NIPBL: variants seen among roughly 807,000 people sequenced by gnomAD.
The protein encoded by NIPBL is NIPBL cohesin loading factor, also known as nipped-B-like protein.
Under a neutral mutation model 321.8 loss-of-function variants are expected in NIPBL, and 19 were observed. The ratio of observed to expected loss-of-function variants is 0.06; its 90% CI spans 0.04 to 0.09. NIPBL has a LOEUF of 0.09. Ranked by LOEUF, NIPBL falls within the 10% of genes least tolerant of loss-of-function variation. NIPBL has a pLI of 1.00. For synonymous variants in NIPBL, 1,106 were observed against 1,114.1 expected (o/e 0.99, Z 0.14); for missense variants, 2,210 against 3,327.0 (o/e 0.66, Z 8.26).
intron 1 of NIPBL, among the ~76,000 whole-genome samples, chr5:36,880,316 C>T (rs1745407151): frequency 1.3e-5 from 2 of 151,874 alleles, no homozygotes; most frequent in South Asian, 4.1e-4. Context: ...TTTTTACTTT[C>T]TCAAAATAAG....
rs587784018 is a variant in NIPBL, at chr5:37,048,525, A to G, written c.6613A>G (p.Ser2205Gly). ...GLGFAFIQHP[S>G]LMFEQEVKNL... ...AGGATTTGCCTTTATTCAGCATCCA[A>G]GTCTAATGTTCGAGCAAGAAGTGAA... The change falls in exon 39 of 47, where the codon AGT (serine) becomes GGT (glycine). Residue 2205 changes from serine (S) to glycine (G), a missense_variant. By Grantham distance (56) the Ser-to-Gly change is moderately conservative. Around this residue, in one of 14 missense-constraint regions of NIPBL, gnomAD observed 40 missense variants for 55.3 expected, o/e 0.72. Transcript: ENST00000282516. The G allele has an allele frequency of 1.6e-5, 26 of 1,583,802 alleles. No individual in the cohort carries two copies. In the Admixed American group the frequency reaches 4.3e-4, roughly 26 times the overall value.
chr5:37,033,399 AT>A, intron 32 of NIPBL, among the ~76,000 whole-genome samples: 1 of 152,178 alleles, frequency 6.6e-6, no homozygotes, highest in Middle Eastern at 3.4e-3. Context: ...TAATAAGTAG[AT>A]TAGTACGAAA....
chr5:36,947,866 C>A (rs1040108429), intron 1 of NIPBL, among the ~76,000 whole-genome samples: 4 of 151,728 alleles, frequency 2.6e-5, no homozygotes. Flanking sequence ...TTTTTTCATG[C>A]CTAGACCATC....
At chr5:37,004,860 G>A (rs1220321888) in intron 16 of NIPBL, among the ~76,000 whole-genome samples, 2 of 152,138 alleles carry the variant, frequency 1.3e-5, no homozygotes, top group Non-Finnish European at 2.9e-5. Flanking sequence ...GTATACGTAT[G>A]TAGTATATAT....
At chr5:37,052,597 A>C in intron 42 of NIPBL, 31 bp downstream of exon 42, 1 of 1,563,648 alleles carries the variant, frequency 6.4e-7, no homozygotes, top group Non-Finnish European at 8.8e-7. Context: ...TTTTAAGAAA[A>C]TAAGTGCTCT....
intron 1 of NIPBL, among the ~76,000 whole-genome samples, chr5:36,927,589 G>C (rs1018563627): frequency 6.6e-6 from 1 of 152,142 alleles, no homozygotes; most frequent in South Asian, 2.1e-4. Context: ...AAAAAGATAG[G>C]AGTCAAGGAT....
At chr5:36,987,141 A>G (rs892103664) in intron 10 of NIPBL, among the ~76,000 whole-genome samples, 9 of 152,246 alleles carry the variant, frequency 5.9e-5, no homozygotes, top group African/African-American at 2.2e-4. Context: ...CAGCCTCCCA[A>G]AGTGCTGGGA....
intron 27 of NIPBL, among the ~76,000 whole-genome samples, chr5:37,021,149 A>G (rs1164859469): frequency 6.6e-6 from 1 of 152,190 alleles, no homozygotes; most frequent in African/African-American, 2.4e-5. Flanking sequence ...AAATACAAAA[A>G]TTAGCGGGGC....
chr5:36,977,829 T>C (rs1743667266), intron 9 of NIPBL, among the ~76,000 whole-genome samples: 1 of 151,874 alleles, frequency 6.6e-6, no homozygotes, highest in Non-Finnish European at 1.5e-5. Context: ...CATTGTTGAA[T>C]TCCCACTTAT....
intron 6 of NIPBL, among the ~76,000 whole-genome samples, chr5:36,968,777 C>G (rs1284015666): frequency 6.6e-6 from 1 of 152,190 alleles, no homozygotes; most frequent in Non-Finnish European, 1.5e-5. Flanking sequence ...AATTCAGGAA[C>G]AGGCCATGAA....
chr5:37,037,393 A>C (rs1047413755), intron 33 of NIPBL, among the ~76,000 whole-genome samples: 3 of 135,756 alleles, frequency 2.2e-5, no homozygotes, highest in Non-Finnish European at 4.9e-5. Context: ...GTCTCAAAAA[A>C]TATATATATA....
At chr5:36,945,653 T>C (rs1008307518) in intron 1 of NIPBL, among the ~76,000 whole-genome samples, 3 of 152,222 alleles carry the variant, frequency 2.0e-5, no homozygotes, top group Non-Finnish European at 4.4e-5. Context: ...CTTTGCTTTA[T>C]TTTGCATTTT....
At chr5:36,966,885 C>G (rs1742268301) in intron 6 of NIPBL, among the ~76,000 whole-genome samples, 1 of 151,392 alleles carries the variant, frequency 6.6e-6, no homozygotes, top group Non-Finnish European at 1.5e-5. Context: ...AAAACGTGGG[C>G]GAATTTTTGG....
intron 1 of NIPBL, among the ~76,000 whole-genome samples, chr5:36,888,978 T>C (rs564150421): frequency 6.6e-6 from 1 of 152,302 alleles, no homozygotes; most frequent in African/African-American, 2.4e-5. Flanking sequence ...AAAGGCAGTT[T>C]ACAAAGGCTG....
At chr5:36,974,064 C>T (rs1053040656) in intron 8 of NIPBL, among the ~76,000 whole-genome samples, 6 of 152,138 alleles carry the variant, frequency 3.9e-5, no homozygotes, top group Non-Finnish European at 8.8e-5. Context: ...TCCAGAGTAA[C>T]TATTTGTAGG....
chr5:37,017,947 T>C (rs1749178625), intron 24 of NIPBL, among the ~76,000 whole-genome samples: 1 of 152,174 alleles, frequency 6.6e-6, no homozygotes, highest in Non-Finnish European at 1.5e-5. Context: ...ATATGCATTT[T>C]TTTTTAAATT....
intron 33 of NIPBL, among the ~76,000 whole-genome samples, chr5:37,037,750 G>A (rs1751874853): frequency 6.9e-6 from 1 of 145,826 alleles, no homozygotes; most frequent in African/African-American, 2.5e-5. Flanking sequence ...TTAAAAAGTT[G>A]CTAATTTCCT....
At chr5:37,035,103 A>G (rs1469960677) in intron 32 of NIPBL, among the ~76,000 whole-genome samples, 2 of 152,238 alleles carry the variant, frequency 1.3e-5, no homozygotes, top group African/African-American at 4.8e-5. Flanking sequence ...CAGCTTGGGC[A>G]ACATAGAGAA....
intron 41 of NIPBL, 105 bp from the exon 42 acceptor site, chr5:37,052,261 T>TA (rs1054037673): frequency 9.1e-4 from 783 of 861,762 alleles, no homozygotes; most frequent in East Asian, 1.4e-3. Context: ...TTATTTTAAT[T>TA]AAAAAAAAAC....
Sources: allele counts gnomAD v4.1 joint callset (sites outside exome capture counted in the v4.1 genomes callset), GRCh38; gene constraint gnomAD v4.1.1; regional missense constraint gnomAD v4.1.1; transcripts MANE v1.5; gene names NCBI Gene and HGNC (gene_info 2026-07-23, HGNC 2026-07-21).